Variants in CIP2A observed in about 807,000 individuals in gnomAD.
CIP2A encodes the protein protein CIP2A.
Under a neutral mutation model 110.9 loss-of-function variants are expected in CIP2A, and 103 were observed. The ratio of observed to expected loss-of-function variants is 0.93; its 90% CI spans 0.79 to 1.09. CIP2A has a LOEUF of 1.09. Among genes scored for constraint, CIP2A ranks in the 50% least tolerant of loss-of-function variants. The pLI is 0.00. For missense variants in CIP2A, 1,088 were observed against 1,038.4 expected, an observed-to-expected ratio of 1.05 and a Z score of -0.66; for synonymous variants, 381 against 361.6, an observed-to-expected ratio of 1.05 and a Z score of -0.61.
chr3:108,557,108 G>A (rs1183603686), intron 17 of CIP2A, 110 bp downstream of exon 17: 1 of 613,322 alleles, frequency 1.6e-6, no homozygotes, highest in African/African-American at 1.8e-5. Flanking sequence ...TACCTCATGT[G>A]TTATCAGAAT....
chr3:108,585,895 G>A (rs1939026613), intron 1 of CIP2A: 2 of 403,934 alleles, frequency 5.0e-6, no homozygotes, highest in African/African-American at 4.2e-5. Flanking sequence ...CGCATGCACA[G>A]ACACATACAT....
intron 10 of CIP2A, among the ~76,000 whole-genome samples, chr3:108,567,876 T>A (rs918630055): frequency 2.0e-5 from 3 of 151,900 alleles, no homozygotes; most frequent in African/African-American, 7.2e-5. Flanking sequence ...CCACCAAATG[T>A]CAAATTGTGA....
In CIP2A at chr3:108,560,030, T is replaced by G; in HGVS notation, c.1828-2A>C. ...CACATCACAAATCTGATCCTTTACCTACATTTTAAGAGTAAAAAAACTTAA... is the reference window on the plus strand; with the variant it reads ...CACATCACAAATCTGATCCTTTACCGACATTTTAAGAGTAAAAAAACTTAA... On this transcript the variant is annotated splice_acceptor_variant, in intron 14 of 20. Transcript: ENST00000295746. LOFTEE classifies it high-confidence loss of function. The G allele has an allele frequency of 6.4e-7, 1 of 1,565,104 alleles. No homozygotes were observed. Among genetic ancestry groups the G allele is most frequent in the Non-Finnish European group, 8.7e-7 (1 of 1,144,128 alleles).
intron 16 of CIP2A, 73 bp downstream of exon 16, chr3:108,559,684 A>G: frequency 2.6e-6 from 2 of 759,608 alleles, no homozygotes; most frequent in Non-Finnish European, 4.0e-6. Context: ...AGTAACAAAT[A>G]CATAACTAAT....
At chr3:108,579,124 A>G (rs1315331861) in intron 7 of CIP2A, among the ~76,000 whole-genome samples, 157 bp downstream of exon 7, 1 of 152,198 alleles carries the variant, frequency 6.6e-6, no homozygotes, top group Non-Finnish European at 1.5e-5. Context: ...TTCAGGAAAG[A>G]AAAAAGAGTG....
intron 18 of CIP2A, 98 bp downstream of exon 18, chr3:108,554,278 T>G: frequency 1.8e-6 from 1 of 550,528 alleles, no homozygotes. Context: ...GTGACAATTC[T>G]ATTAATTTTA....
chr3:108,561,468 C>T (rs1356091373), intron 13 of CIP2A, among the ~76,000 whole-genome samples: 2 of 152,056 alleles, frequency 1.3e-5, no homozygotes, highest in Admixed American at 6.6e-5. Context: ...TCCAAGAGTT[C>T]GAGACAAGCC....
rs1937731574 is a variant in CIP2A at position 108,554,868 on chromosome 3, A to G, written c.2211-379T>C. Among the ~76,000 whole-genome samples the G allele has an allele frequency of 2.0e-5, 3 of 152,220 alleles. No homozygotes were observed. In the South Asian group the frequency reaches 6.2e-4, roughly 31 times the overall value. On this transcript the variant is annotated intron_variant, in intron 17 of 20. Transcript: ENST00000295746. Reference sequence around the variant, plus strand: ...GTCCTAAGTATTTTACCTGCAAGGTAAACACAGAAAAAAATCCTTTCTAAA... The same window carrying G: ...GTCCTAAGTATTTTACCTGCAAGGTGAACACAGAAAAAAATCCTTTCTAAA...
chr3:108,577,437 G>A (rs1226686384), intron 7 of CIP2A, among the ~76,000 whole-genome samples: 1 of 152,058 alleles, frequency 6.6e-6, no homozygotes, highest in Non-Finnish European at 1.5e-5. Flanking sequence ...ATTTATGAGT[G>A]AAACTGGATG....
Position 108,579,639 on chromosome 3 carries a change from C to T in CIP2A, c.599G>A (p.Ser200Asn). 2 of 1,604,928 alleles carry T rather than the reference C, an allele frequency of 1.2e-6. No homozygotes were observed. Among genetic ancestry groups the T allele is most frequent in the Non-Finnish European group, 1.7e-6 (2 of 1,175,776 alleles). ...TGCAAACACAACCACAGTTAAACTA[C>T]TATGGGCCAACAAGGTGATAAGAGT... ...YRTLITLLAH[S>N]SLTVVVFALS... is the part of the protein sequence containing the mutation. Residue 200 changes from serine to asparagine, a missense_variant, in exon 6 of 21, where the codon AGT (serine) becomes AAT (asparagine). Physicochemically the swap from Ser to Asn is conservative, Grantham distance 46 (BLOSUM62 1). Transcript: ENST00000295746.
At chr3:108,558,040 T>C (rs1937870941) in intron 16 of CIP2A, among the ~76,000 whole-genome samples, 1 of 152,152 alleles carries the variant, frequency 6.6e-6, no homozygotes, top group African/African-American at 2.4e-5. Context: ...TATCCAGTTA[T>C]TTAGTGCTAT....
At chr3:108,581,011 T>C (rs1240126862) in intron 5 of CIP2A, among the ~76,000 whole-genome samples, 4 of 152,232 alleles carry the variant, frequency 2.6e-5, no homozygotes, top group African/African-American at 7.2e-5. Context: ...TACTGAGCAC[T>C]TAACTCATGA....
chr3:108,565,449 A>G lies in CIP2A; in HGVS notation c.1421T>C (p.Leu474Pro). The G allele has an allele frequency of 6.4e-7, 1 of 1,570,500 alleles. No homozygotes were observed. The highest frequency in any genetic ancestry group is 1.4e-5 in the African/African-American group (1 of 73,476). Residue 474 changes from leucine to proline, a missense_variant, in exon 12 of 21, where the codon CTT (leucine) becomes CCT (proline). Transcript: ENST00000295746. ...TKVADSELCK[L>P]AADVILKTLD... ...AGTTTTCAAAATTACATCAGCAGCA[A>G]GTTTGCTTTAAAGATAAATCACATT...
At position 108,579,299 on chromosome 3, in the gene CIP2A, A is replaced by C; in HGVS notation, c.800T>G (p.Ile267Ser). The C allele has an allele frequency of 6.2e-7, 1 of 1,610,366 alleles. No individual in the cohort carries two copies. Among genetic ancestry groups the C allele is most frequent in the Non-Finnish European group, 8.5e-7 (1 of 1,177,684 alleles). The change falls in exon 7 of 21, where the codon ATT (isoleucine) becomes AGT (serine). Residue 267 changes from isoleucine to serine, a missense_variant. Ile to Ser is a moderately radical substitution (Grantham distance 142, BLOSUM62 -2). Coordinates refer to ENST00000295746, the MANE Select transcript of CIP2A (RefSeq NM_020890.3). Reference sequence around the variant, plus strand: ...GTCATACCTGGTGAGATAATCAGCAATTTTAGGATTCTTAAGGAGATCCAT... The same window carrying C: ...GTCATACCTGGTGAGATAATCAGCACTTTTAGGATTCTTAAGGAGATCCAT... ...LLMDLLKNPK[I>S]ADYLTRYEHF...
At chr3:108,569,258 T>C (rs1020180984) in intron 9 of CIP2A, 131 bp downstream of exon 9, 3 of 675,814 alleles carry the variant, frequency 4.4e-6, no homozygotes, top group Admixed American at 5.1e-5. Flanking sequence ...GCGAGTCTAG[T>C]ATGACTGTTA....
intron 8 of CIP2A, among the ~76,000 whole-genome samples, chr3:108,573,212 G>A (rs1938456374): frequency 6.6e-6 from 1 of 151,470 alleles, no homozygotes; most frequent in African/African-American, 2.4e-5. Context: ...TAGAATTTTT[G>A]CAGTATGTTC....
At chr3:108,586,192 T>A (rs943008373) in intron 1 of CIP2A, among the ~76,000 whole-genome samples, 3 of 152,178 alleles carry the variant, frequency 2.0e-5, no homozygotes, top group Non-Finnish European at 2.9e-5. Flanking sequence ...CACATCAGTT[T>A]TTCTTCTAAG....
rs556456578 is a variant in CIP2A at position 108,576,475 on chromosome 3, T to C, written c.819-129A>G. The C allele has an allele frequency of 1.8e-3, 890 of 491,108 alleles. 1 individual carries two copies. Among genetic ancestry groups the C allele is most frequent in the Non-Finnish European group, 2.8e-3 (795 of 279,590 alleles). 30.4% of individuals were successfully genotyped at this position (491,108 alleles called of 1,614,324 possible). Reference sequence around the variant, plus strand: ...CATCTATTTATTTGGGCTTCTAATATAGAACACACTCCTGTAAAGTTTATA... The same window carrying C: ...CATCTATTTATTTGGGCTTCTAATACAGAACACACTCCTGTAAAGTTTATA... On this transcript the variant is annotated intron_variant, in intron 7 of 20. Coordinates refer to ENST00000295746, the MANE Select transcript of CIP2A (RefSeq NM_020890.3).
chr3:108,569,181 T>TATATATATATATATATATATATATACAC, intron 9 of CIP2A, among the ~76,000 whole-genome samples: 1 of 58,272 alleles, frequency 1.7e-5, no homozygotes, highest in African/African-American at 4.6e-5. Flanking sequence ...TATATATATA[T>TATATATATATATATATATATATATACAC]ACATACACAC....
Sources: gnomAD v4.1 joint callset for allele counts (sites outside exome capture counted in the v4.1 genomes callset) on GRCh38, gnomAD v4.1.1 for gene constraint, MANE v1.5 for transcripts, NCBI Gene and HGNC (gene_info 2026-07-23, HGNC 2026-07-21) for gene names.